KCNT2: variants seen among roughly 807,000 people sequenced by gnomAD.
The protein encoded by KCNT2 is potassium channel subfamily T member 2.
KCNT2 carries 67 observed loss-of-function variants against 153.8 expected under a neutral mutation model. The observed-to-expected ratio is 0.44, with a 90% CI of 0.36 to 0.53. The LOEUF (loss-of-function observed/expected upper bound fraction) is 0.53. KCNT2 is among the 20% of genes least tolerant of loss of function. The pLI is 0.00. For synonymous variants in KCNT2, 500 were observed against 458.8 expected, an observed-to-expected ratio of 1.09 and a Z score of -1.15; for missense variants, 975 against 1,354.8, an observed-to-expected ratio of 0.72 and a Z score of 4.40.
chr1:196,253,554 T>C (rs1481982279), intron 26 of KCNT2, among the ~76,000 whole-genome samples: 3 of 151,642 alleles, frequency 2.0e-5, no homozygotes, highest in Non-Finnish European at 4.4e-5. Flanking sequence ...CATATTTTCT[T>C]ATTTTGCATC....
At chr1:196,551,720 G>A (rs906686867) in intron 1 of KCNT2, among the ~76,000 whole-genome samples, 2 of 151,552 alleles carry the variant, frequency 1.3e-5, no homozygotes, top group Non-Finnish European at 3.0e-5. Context: ...TTTTTCTGCA[G>A]TTTCTTACAA....
chr1:196,598,467 A>C (rs4462080), intron 1 of KCNT2, among the ~76,000 whole-genome samples: 72,853 of 151,986 alleles, frequency 0.48, 19,860 homozygotes, highest in Middle Eastern at 0.73. Flanking sequence ...CTAGAGGCAA[A>C]AGAGGTTTTT....
intron 12 of KCNT2, among the ~76,000 whole-genome samples, chr1:196,416,468 G>A (rs1323189953): frequency 6.6e-6 from 1 of 152,030 alleles, no homozygotes; most frequent in Non-Finnish European, 1.5e-5. Context: ...GGCATCAGCT[G>A]GGGATGTTGG....
At chr1:196,561,233 T>C (rs542375480) in intron 1 of KCNT2, among the ~76,000 whole-genome samples, 2 of 151,822 alleles carry the variant, frequency 1.3e-5, no homozygotes, top group Non-Finnish European at 2.9e-5. Flanking sequence ...TATATATTAT[T>C]ACTATCTGTC....
intron 23 of KCNT2, among the ~76,000 whole-genome samples, chr1:196,284,220 G>A (rs1659404760): frequency 2.7e-5 from 1 of 36,694 alleles, no homozygotes; most frequent in Non-Finnish European, 6.2e-5. Flanking sequence ...GACAGAGCAA[G>A]ACTCTGTCTT....
chr1:196,502,364 G>A (rs1435932265), intron 1 of KCNT2, among the ~76,000 whole-genome samples: 1 of 152,084 alleles, frequency 6.6e-6, no homozygotes, highest in Non-Finnish European at 1.5e-5. Context: ...ACATTTAGTA[G>A]CATTGTCTGC....
chr1:196,232,019 G>A (rs1418907606), intron 27 of KCNT2, among the ~76,000 whole-genome samples: 1 of 151,714 alleles, frequency 6.6e-6, no homozygotes, highest in Non-Finnish European at 1.5e-5. Context: ...TTGCACTTTT[G>A]TCTTAAAGAC....
intron 5 of KCNT2, among the ~76,000 whole-genome samples, chr1:196,473,486 T>G (rs1450168837): frequency 6.6e-6 from 1 of 152,230 alleles, no homozygotes; most frequent in Non-Finnish European, 1.5e-5. Context: ...GATTGTTGAC[T>G]CACACCACAT....
intron 14 of KCNT2, among the ~76,000 whole-genome samples, chr1:196,351,495 GCT>G (rs200015147): frequency 0.41 from 61,837 of 150,826 alleles, 14,859 homozygotes; most frequent in East Asian, 0.69. Flanking sequence ...TCATGATTTG[GCT>G]CTCTGTTTGT....
chr1:196,546,154 CTT>C (rs1033972743), intron 1 of KCNT2, among the ~76,000 whole-genome samples: 2 of 152,022 alleles, frequency 1.3e-5, no homozygotes, highest in Non-Finnish European at 2.9e-5. Context: ...AGAGTTGTAA[CTT>C]ATTCAAATCC....
chr1:196,456,836 A>T (rs932634649), intron 8 of KCNT2, among the ~76,000 whole-genome samples: 14 of 151,984 alleles, frequency 9.2e-5, no homozygotes, highest in African/African-American at 3.4e-4. Flanking sequence ...TCAGAAATAT[A>T]TTCTAGAAAA....
intron 25 of KCNT2, among the ~76,000 whole-genome samples, chr1:196,272,278 C>T (rs147840984): frequency 6.1e-4 from 92 of 151,894 alleles, no homozygotes; most frequent in East Asian, 3.9e-4. Flanking sequence ...ATATACACTA[C>T]GGATTCTTTA....
At chr1:196,350,864 T>A (rs934716898) in intron 14 of KCNT2, among the ~76,000 whole-genome samples, 4 of 152,158 alleles carry the variant, frequency 2.6e-5, no homozygotes, top group Non-Finnish European at 5.9e-5. Context: ...TTAATCCATC[T>A]TGAATTAATT....
At chr1:196,284,579 A>C (rs1659481754) in intron 23 of KCNT2, among the ~76,000 whole-genome samples, 1 of 152,018 alleles carries the variant, frequency 6.6e-6, no homozygotes, top group South Asian at 2.1e-4. Flanking sequence ...ACTGCTCTTC[A>C]AATAAACCAT....
chr1:196,276,118 A>T (rs1476399680), intron 25 of KCNT2, among the ~76,000 whole-genome samples: 3 of 151,796 alleles, frequency 2.0e-5, no homozygotes, highest in African/African-American at 7.3e-5. Context: ...TTATCTATTG[A>T]CTTCTCACTC....
chr1:196,479,105 A>G, intron 5 of KCNT2, 74 bp downstream of exon 5: 1 of 997,574 alleles, frequency 1.0e-6, no homozygotes, highest in Non-Finnish European at 1.5e-6. Flanking sequence ...AGTGCGAACT[A>G]TAAATAGAGG....
chr1:196,511,304 C>T (rs547483063), intron 1 of KCNT2, among the ~76,000 whole-genome samples: 1 of 152,244 alleles, frequency 6.6e-6, no homozygotes, highest in African/African-American at 2.4e-5. Flanking sequence ...TAAGGAATTT[C>T]TGTTTTGACA....
Position 196,319,560 on chromosome 1 carries a change from G to A in KCNT2, c.2277-5C>T, listed in dbSNP as rs765756951. The A allele has an allele frequency of 6.3e-7, 1 of 1,594,630 alleles. No individual in the cohort carries two copies. ...TCCAGAAAATGCATATCTGGCCTAAGTAGTAGATGGGTTACAAAATGAAAC... is the reference window on the plus strand; with the variant it reads ...TCCAGAAAATGCATATCTGGCCTAAATAGTAGATGGGTTACAAAATGAAAC... On this transcript the variant is annotated splice_polypyrimidine_tract_variant and splice_region_variant and intron_variant, in intron 19 of 27. Coordinates refer to ENST00000294725, the MANE Select transcript of KCNT2 (RefSeq NM_198503.5).
rs1282340822 is a variant in KCNT2, at chr1:196,227,858, TTC to T, written c.*364_*365del. ...TTAATTTTTAAGAGGAGCAGCAGCA[TTC>T]TGTGTCCATTGTGATGCACCAAATA... On this transcript the variant is annotated 3_prime_UTR_variant, in exon 28 of 28. Coordinates refer to ENST00000294725, the MANE Select transcript of KCNT2 (RefSeq NM_198503.5). The T allele has an allele frequency of 1.9e-5, 3 of 162,054 alleles. No individual in the cohort carries two copies. The highest frequency in any genetic ancestry group is 4.0e-5 in the Non-Finnish European group (3 of 74,444). The allele number at this position is 162,054 out of a possible 1,614,324, so 10.0% of individuals were successfully genotyped here.
Sources: gnomAD v4.1 joint callset for allele counts (sites outside exome capture counted in the v4.1 genomes callset) on GRCh38, gnomAD v4.1.1 for gene constraint, MANE v1.5 for transcripts, NCBI Gene and HGNC (gene_info 2026-07-23, HGNC 2026-07-21) for gene names.